MTHFD1L: variants seen among roughly 807,000 people sequenced by gnomAD.
The protein encoded by MTHFD1L is monofunctional C1-tetrahydrofolate synthase, mitochondrial.
MTHFD1L carries 81 observed loss-of-function variants against 119.5 expected under a neutral mutation model. That is an observed-to-expected ratio of 0.68 (90% CI 0.57 to 0.82). The LOEUF (loss-of-function observed/expected upper bound fraction) is 0.82, where lower values mean the gene tolerates loss of function less well. Among genes scored for constraint, MTHFD1L ranks in the 40% least tolerant of loss-of-function variants. The pLI, the probability that MTHFD1L is intolerant of heterozygous loss-of-function variation, is 0.00. For synonymous variants in MTHFD1L, 430 were observed against 475.2 expected (o/e 0.90, Z 1.24); for missense variants, 1,125 against 1,253.4 (o/e 0.90, Z 1.55).
At chr6:150,943,014 G>A (rs1277984208) in intron 13 of MTHFD1L, among the ~76,000 whole-genome samples, 1 of 152,152 alleles carries the variant, frequency 6.6e-6, no homozygotes, top group Non-Finnish European at 1.5e-5. Flanking sequence ...CGGATGTGGT[G>A]GCTCATGCCT....
At chr6:151,042,959 C>T (rs1787354477) in intron 26 of MTHFD1L, among the ~76,000 whole-genome samples, 1 of 152,216 alleles carries the variant, frequency 6.6e-6, no homozygotes, top group African/African-American at 2.4e-5. Context: ...AGTGAGAACA[C>T]ACACGCAGCC....
intron 4 of MTHFD1L, among the ~76,000 whole-genome samples, chr6:150,881,975 A>G (rs1053348945): frequency 1.3e-5 from 2 of 152,242 alleles, no homozygotes; most frequent in African/African-American, 4.8e-5. Context: ...AGTGAGATCT[A>G]TATGCAAAGA....
At chr6:151,018,114 G>T (rs1379114853) in intron 24 of MTHFD1L, among the ~76,000 whole-genome samples, 1 of 152,048 alleles carries the variant, frequency 6.6e-6, no homozygotes, top group Admixed American at 6.6e-5. Context: ...GAATTTTGTG[G>T]TTCCGATTCT....
rs1050253427 is a variant in MTHFD1L, at chr6:151,050,744, A to G, written c.2847+13627A>G. 7.9e-5 allele frequency among the ~76,000 whole-genome samples: 12 copies of G among 152,104 alleles called. 1 individual carries two copies. Among genetic ancestry groups the G allele is most frequent in the Admixed American group, 6.5e-5 (1 of 15,282 alleles). On this transcript the variant is annotated intron_variant, in intron 26 of 27. Transcript: ENST00000367321. Reference sequence around the variant, plus strand: ...TGGTGTATGGGGAAACCCCATACACATTTGGTCACAGAAGTCTTCTATGTT... The same window carrying G: ...TGGTGTATGGGGAAACCCCATACACGTTTGGTCACAGAAGTCTTCTATGTT...
At chr6:150,944,077 C>T (rs1356181542) in intron 13 of MTHFD1L, among the ~76,000 whole-genome samples, 2 of 152,164 alleles carry the variant, frequency 1.3e-5, no homozygotes, top group South Asian at 2.1e-4. Flanking sequence ...TTTGTTGTCA[C>T]GTGGAAGGCT....
At chr6:150,867,406 G>A (rs192109727) in intron 1 of MTHFD1L, among the ~76,000 whole-genome samples, 631 of 152,292 alleles carry the variant, frequency 4.1e-3, no homozygotes, top group Non-Finnish European at 5.4e-3. Flanking sequence ...TTACCAGGCT[G>A]GTCTGGAACT....
chr6:150,937,658 G>A (rs1247282374), intron 12 of MTHFD1L, among the ~76,000 whole-genome samples: 2 of 152,168 alleles, frequency 1.3e-5, no homozygotes, highest in Non-Finnish European at 2.9e-5. Context: ...GGGTTGGAGC[G>A]AGAAAGCCAA....
rs751719788 is a variant in MTHFD1L, at chr6:151,009,977, T to C, written c.2265+19T>C. ...GCCAAGTGTAAGTGCCCACACCGCC[T>C]TCCTAATACCAAAGAAATTTCATTA... On this transcript the variant is annotated intron_variant, in intron 21 of 27. Transcript: ENST00000367321. 1 of 1,556,484 alleles carries C rather than the reference T, an allele frequency of 6.4e-7. No homozygotes were observed. Among genetic ancestry groups the C allele is most frequent in the South Asian group, 1.2e-5 (1 of 80,978 alleles).
intron 8 of MTHFD1L, among the ~76,000 whole-genome samples, chr6:150,915,240 C>T (rs913429274): frequency 2.6e-5 from 4 of 152,042 alleles, no homozygotes; most frequent in South Asian, 2.1e-4. Flanking sequence ...TCTTAAAACA[C>T]GAAATTTTTT....
intron 20 of MTHFD1L, 129 bp downstream of exon 20, chr6:150,972,187 C>G: frequency 5.2e-6 from 4 of 774,586 alleles, no homozygotes; most frequent in Non-Finnish European, 8.4e-6. Context: ...CATAGAGGGT[C>G]TCAATAATGG....
intron 26 of MTHFD1L, among the ~76,000 whole-genome samples, chr6:151,073,610 A>T (rs909112763): frequency 1.3e-5 from 2 of 152,222 alleles, no homozygotes; most frequent in Non-Finnish European, 1.5e-5. Context: ...AGGATTTAAC[A>T]TGTTAAATAG....
chr6:150,926,344 A>C lies in MTHFD1L; in HGVS notation c.1256+49A>C. 1 of 1,515,322 alleles carries C rather than the reference A, an allele frequency of 6.6e-7. No homozygotes were observed. Among genetic ancestry groups the C allele is most frequent in the Non-Finnish European group, 9.0e-7 (1 of 1,106,952 alleles). 93.9% of individuals were successfully genotyped at this position (1,515,322 alleles called of 1,614,324 possible). A position where few individuals can be genotyped will look rare whatever the true frequency, so the allele number is the denominator to read the frequency against. On this transcript the variant is annotated intron_variant, in intron 11 of 27. Coordinates refer to ENST00000367321, the MANE Select transcript of MTHFD1L (RefSeq NM_015440.5). The surrounding 1 kb of genome is among the most constrained non-coding windows in gnomAD (Gnocchi z 4.3). ...TTGATCAAGCAGACATATTTACAAA[A>C]CTCTTCCCTATTTATCTCTCTCCTC... is the stretch of plus-strand genomic sequence containing the variant.
At chr6:151,006,964 G>A (rs1326411318) in intron 20 of MTHFD1L, among the ~76,000 whole-genome samples, 1 of 151,970 alleles carries the variant, frequency 6.6e-6, no homozygotes. Context: ...GTAACATTTG[G>A]GTTACTTCAG....
intron 16 of MTHFD1L, among the ~76,000 whole-genome samples, chr6:150,955,467 A>T (rs1415422530): frequency 6.7e-6 from 1 of 149,334 alleles, no homozygotes; most frequent in Non-Finnish European, 1.5e-5. Flanking sequence ...TCTTTCGGGT[A>T]ATGCCAAGAA....
chr6:150,911,700 G>T (rs1024119906), intron 8 of MTHFD1L, among the ~76,000 whole-genome samples: 1 of 152,088 alleles, frequency 6.6e-6, no homozygotes, highest in African/African-American at 2.4e-5. Context: ...TACACGAGAC[G>T]GGGAAGAAAA....
chr6:151,022,550 C>G (rs1399645173), intron 24 of MTHFD1L, among the ~76,000 whole-genome samples: 3 of 152,112 alleles, frequency 2.0e-5, no homozygotes, highest in Non-Finnish European at 4.4e-5. Flanking sequence ...TCTCTGTTGC[C>G]TTTTACATTT....
intron 27 of MTHFD1L, among the ~76,000 whole-genome samples, chr6:151,100,210 A>G (rs1795260190): frequency 6.6e-6 from 1 of 151,482 alleles, no homozygotes; most frequent in Non-Finnish European, 1.5e-5. Flanking sequence ...ATTTTTTTGT[A>G]TTTTTTTAAT....
intron 11 of MTHFD1L, among the ~76,000 whole-genome samples, chr6:150,935,912 G>A (rs1309258214): frequency 6.6e-6 from 1 of 152,184 alleles, no homozygotes; most frequent in Non-Finnish European, 1.5e-5. Context: ...AACAATGCTT[G>A]TGATGTACTA....
chr6:150,997,295 C>CA (rs1350702421), intron 20 of MTHFD1L, among the ~76,000 whole-genome samples: 1 of 152,206 alleles, frequency 6.6e-6, no homozygotes, highest in Non-Finnish European at 1.5e-5. Context: ...CTCTAAAAAA[C>CA]AACTTCCCAA....
Sources: gnomAD v4.1 joint callset for allele counts (sites outside exome capture counted in the v4.1 genomes callset) on GRCh38, gnomAD v4.1.1 for gene constraint, Gnocchi (gnomAD v3.1) non-coding constraint, MANE v1.5 for transcripts, NCBI Gene and HGNC (gene_info 2026-07-23, HGNC 2026-07-21) for gene names.